DNHD1: variants seen among roughly 807,000 people sequenced by gnomAD.
The protein encoded by DNHD1 is dynein heavy chain domain-containing protein 1.
In DNHD1, 383 loss-of-function variants were observed where a neutral mutation model predicts 458.1. The observed-to-expected ratio is 0.84, with a 90% CI of 0.77 to 0.91. DNHD1 has a LOEUF of 0.91. DNHD1 is among the 40% of genes least tolerant of loss of function. DNHD1 has a pLI of 0.00. For missense variants in DNHD1, 5,336 were observed against 5,866.1 expected, an observed-to-expected ratio of 0.91 and a Z score of 2.95; for synonymous variants, 2,203 against 2,376.9, an observed-to-expected ratio of 0.93 and a Z score of 2.13.
At position 6,568,914 on chromosome 11, in the gene DNHD1, T is replaced by C. The variant is rs1421082856; in HGVS notation, c.12863+48T>C. On this transcript the variant is annotated intron_variant, in intron 39 of 42. Transcript: ENST00000254579. ...TGCTCAGTCAATCACTCAACAAACA[T>C]TGAGTATCTTCCATATGCTGGGATG... 2.6e-6 allele frequency: 4 copies of C among 1,544,300 alleles called. No individual in the cohort carries two copies. In the African/African-American group the frequency reaches 4.1e-5, roughly 16 times the overall value.
Position 6,539,264 on chromosome 11 carries a change from G to T in DNHD1, c.3371G>T (p.Gly1124Val). 2 of 1,551,626 alleles carry T rather than the reference G, an allele frequency of 1.3e-6. No individual in the cohort carries two copies. The highest frequency in any genetic ancestry group is 8.7e-7 in the Non-Finnish European group (1 of 1,146,976). ...CAAACTATAGAACTCCTAACGCTGGGCCAGCTGCTTACTTATCCACTGCTG... is the reference window on the plus strand; with the variant it reads ...CAAACTATAGAACTCCTAACGCTGGTCCAGCTGCTTACTTATCCACTGCTG... ...SLQTIELLTLGQLLTYPLLEF... is the reference protein window; with the variant it reads ...SLQTIELLTLVQLLTYPLLEF... Residue 1124 changes from glycine (G) to valine (V), a missense_variant, in exon 17 of 43, where the codon GGC becomes GTC. Around this residue, in one of 4 missense-constraint regions of DNHD1, gnomAD observed 3,932 missense variants for 4,365.6 expected, o/e 0.90. Coordinates refer to ENST00000254579, the MANE Select transcript of DNHD1 (RefSeq NM_144666.3).
intron 3 of DNHD1, among the ~76,000 whole-genome samples, chr11:6,501,898 T>C (rs939605433): frequency 6.6e-6 from 1 of 152,248 alleles, no homozygotes; most frequent in Non-Finnish European, 1.5e-5. Flanking sequence ...AGGACATATG[T>C]ATAAAGGTTA....
In DNHD1 at chr11:6,498,497, T is replaced by G; in HGVS notation, c.282T>G (p.Tyr94Ter). The G allele has an allele frequency of 6.2e-7, 1 of 1,614,172 alleles. No homozygotes were observed. The highest frequency in any genetic ancestry group is 2.2e-5 in the East Asian group (1 of 44,876). The change falls in exon 3 of 43, where the codon TAT (tyrosine) becomes TAG (stop). Residue 94 changes from tyrosine to a stop codon, truncating the protein, a stop_gained. Coordinates refer to ENST00000254579, the MANE Select transcript of DNHD1 (RefSeq NM_144666.3). LOFTEE classifies it high-confidence loss of function. Reference protein sequence around the residue: ...LHAVLGLLPPYRELLVGHLDL... With the variant: ...LHAVLGLLPP The stretch of plus-strand genomic sequence containing the variant: ...CAGTACTGGGTCTACTGCCTCCATA[T>G]CGTGAGTTGCTAGTTGGCCACCTTG...
At chr11:6,530,083 A>G (rs1270392758) in intron 12 of DNHD1, among the ~76,000 whole-genome samples, 1 of 152,190 alleles carries the variant, frequency 6.6e-6, no homozygotes, top group Non-Finnish European at 1.5e-5. Context: ...TAAGCATTAT[A>G]TCCGCCCCTC....
rs1852343794 is a variant in DNHD1 at position 6,512,075 on chromosome 11, ACCT to A, written c.1392+647_1392+649del. 2.0e-5 allele frequency among the ~76,000 whole-genome samples: 3 copies of A among 152,214 alleles called. No homozygotes were observed. The South Asian group carries it at 6.2e-4, about 32-fold the overall frequency. On this transcript the variant is annotated intron_variant, in intron 7 of 42. Transcript: ENST00000254579. ...TAACTAATTAATGTGAAGGAGGCAT[ACCT>A]TGCCTGGCTTGAGCCAGGTTTTGGG...
At position 6,567,201 on chromosome 11, in the gene DNHD1, A is replaced by C; in HGVS notation, c.11692A>C (p.Asn3898His). Residue 3898 changes from asparagine (N) to histidine (H), a missense_variant, in exon 36 of 43, where the codon AAT becomes CAT. By Grantham distance (68) the Asn-to-His change is moderately conservative (BLOSUM62 1). Coordinates refer to ENST00000254579, the MANE Select transcript of DNHD1 (RefSeq NM_144666.3). ...ALDSMKPREINHGEDLASHLL... is the reference protein window; with the variant it reads ...ALDSMKPREIHHGEDLASHLL... ...GGACAGCATGAAGCCACGTGAGATT[A>C]ATCACGGGGAGGACCTGGCCAGCCA... The C allele has an allele frequency of 1.2e-6, 2 of 1,614,034 alleles. No individual in the cohort carries two copies. Among genetic ancestry groups the C allele is most frequent in the Non-Finnish European group, 1.7e-6 (2 of 1,179,906 alleles).
Position 6,508,928 on chromosome 11 carries a change from C to G in DNHD1, c.969C>G (p.His323Gln). 1 of 1,614,202 alleles carries G rather than the reference C, an allele frequency of 6.2e-7. No individual in the cohort carries two copies. Among genetic ancestry groups the G allele is most frequent in the Non-Finnish European group, 8.5e-7 (1 of 1,180,036 alleles). The part of the protein sequence containing the change: ...VVPPDKVNPE[H>Q]YIFSPFGILH... Reference sequence around the variant, plus strand: ...CACCCGACAAGGTGAATCCCGAGCACTACATCTTCTCTCCCTTTGGGATCT... The same window carrying G: ...CACCCGACAAGGTGAATCCCGAGCAGTACATCTTCTCTCCCTTTGGGATCT... Residue 323 changes from histidine (H) to glutamine (Q), a missense_variant, in exon 5 of 43, where the codon CAC becomes CAG. His to Gln is a conservative substitution (Grantham distance 24). Coordinates refer to ENST00000254579, the MANE Select transcript of DNHD1 (RefSeq NM_144666.3).
Position 6,538,687 on chromosome 11 carries a change from C to T in DNHD1, c.3202C>T (p.Leu1068=). 1 of 1,549,840 alleles carries T rather than the reference C, an allele frequency of 6.5e-7. No individual in the cohort carries two copies. The highest frequency in any genetic ancestry group is 8.7e-7 in the Non-Finnish European group (1 of 1,145,736). ...EAARMSTTLE[L]HSPVLQHCMR... is the part of the protein sequence containing the mutation. Reference sequence around the variant, plus strand: ...AGCACGGATGAGCACAACCCTGGAGCTGCACAGCCCCGTGCTGCAGCACTG... The same window carrying T: ...AGCACGGATGAGCACAACCCTGGAGTTGCACAGCCCCGTGCTGCAGCACTG... Residue 1068 remains leucine, a synonymous_variant, in exon 16 of 43, where the codon CTG becomes TTG. Transcript: ENST00000254579.
In DNHD1 at chr11:6,547,459, A is replaced by C. The variant is rs1240388119; in HGVS notation, c.6520A>C (p.Thr2174Pro). The C allele has an allele frequency of 6.4e-7, 1 of 1,551,336 alleles. No individual in the cohort carries two copies. The highest frequency in any genetic ancestry group is 1.7e-4 in the Middle Eastern group (1 of 5,990). The stretch of plus-strand genomic sequence containing the variant: ...TTATGAGTACCGCCTGCAGCACCGG[A>C]CAGTCGCTGAGCTCAACCACATGGC... ...LPYEYRLQHR[T>P]VAELNHMAEV... Residue 2174 changes from threonine to proline, a missense_variant, in exon 21 of 43, where the codon ACA (threonine) becomes CCA (proline). Coordinates refer to ENST00000254579, the MANE Select transcript of DNHD1 (RefSeq NM_144666.3).
chr11:6,554,115 G>A (rs896891079), intron 24 of DNHD1, among the ~76,000 whole-genome samples: 1 of 152,166 alleles, frequency 6.6e-6, no homozygotes, highest in Non-Finnish European at 1.5e-5. Context: ...TGAAGAGAGT[G>A]TGGTATTGGT....
intron 10 of DNHD1, 76 bp from the exon 11 acceptor site, chr11:6,528,446 G>A (rs1307430108): frequency 8.4e-6 from 12 of 1,420,376 alleles, no homozygotes; most frequent in Non-Finnish European, 1.1e-5. Context: ...TACACACACT[G>A]AGGGCAAGGA....
intron 10 of DNHD1, among the ~76,000 whole-genome samples, chr11:6,521,591 T>A (rs926018744): frequency 6.6e-6 from 1 of 152,218 alleles, no homozygotes; most frequent in African/African-American, 2.4e-5. Flanking sequence ...TGACAAAATG[T>A]TAATAATTGT....
rs377748614 is a variant in DNHD1, at chr11:6,548,068, T to C, written c.6905+28T>C. 2.6e-5 allele frequency: 41 copies of C among 1,551,566 alleles called. No individual in the cohort carries two copies. In the African/African-American group the frequency reaches 4.6e-4, roughly 18 times the overall value. ...ACCTACCAGGATGGGGGATGGGAGA[T>C]GCAGAGGGCTGAGATGGACTGGCCC... On this transcript the variant is annotated intron_variant, in intron 22 of 42. Coordinates refer to ENST00000254579, the MANE Select transcript of DNHD1 (RefSeq NM_144666.3). This position sits in a 1 kb window ranked among gnomAD's most constrained non-coding sequence, Gnocchi z 4.4.
At position 6,567,137 on chromosome 11, in the gene DNHD1, G is replaced by C; in HGVS notation, c.11628G>C (p.Met3876Ile). The C allele has an allele frequency of 6.2e-7, 1 of 1,614,050 alleles. No individual in the cohort carries two copies. Among genetic ancestry groups the C allele is most frequent in the Non-Finnish European group, 8.5e-7 (1 of 1,179,894 alleles). Reference sequence around the variant, plus strand: ...AGAACCTGCTGCCACTTTTCTGTATGAGCCCAGAGAACTGGCTGGCAGTCA... The same window carrying C: ...AGAACCTGCTGCCACTTTTCTGTATCAGCCCAGAGAACTGGCTGGCAGTCA... The part of the protein sequence containing the change: ...QLQNLLPLFC[M>I]SPENWLAVTK... Residue 3876 changes from methionine to isoleucine, a missense_variant, in exon 36 of 43, where the codon ATG (methionine) becomes ATC (isoleucine). Physicochemically the swap from Met to Ile is conservative, Grantham distance 10. Transcript: ENST00000254579.
At chr11:6,532,995 C>T (rs1165897042) in intron 12 of DNHD1, 32 bp from the exon 13 acceptor site, 5 of 1,544,462 alleles carry the variant, frequency 3.2e-6, no homozygotes, top group Admixed American at 4.0e-5. Flanking sequence ...CTTTTTTATG[C>T]GTCCCCTCAC....
intron 4 of DNHD1, chr11:6,503,635 C>T (rs11040901): frequency 0.27 from 41,326 of 152,098 alleles, 6,193 homozygotes; most frequent in Non-Finnish European, 0.34. Flanking sequence ...AGGCATGAAT[C>T]ACCACACTCG....
Position 6,570,606 on chromosome 11 carries a change from T to C in DNHD1, c.13106-12T>C, listed in dbSNP as rs900354907. ...TCCATCTTGTCCCTCACCCCTCACC[T>C]CTATCCCCAAGAGCTAAGGGAGCTG... On this transcript the variant is annotated splice_polypyrimidine_tract_variant and intron_variant, in intron 41 of 42. Transcript: ENST00000254579. The C allele has an allele frequency of 6.3e-7, 1 of 1,590,324 alleles. No individual in the cohort carries two copies. The highest frequency in any genetic ancestry group is 2.3e-5 in the East Asian group (1 of 44,248).
At chr11:6,521,956 A>G (rs1589873303) in intron 10 of DNHD1, among the ~76,000 whole-genome samples, 1 of 152,192 alleles carries the variant, frequency 6.6e-6, no homozygotes, top group East Asian at 1.9e-4. Context: ...TCATCAAGCA[A>G]TCCTCCTATC....
At chr11:6,504,140 A>G (rs1852187248) in intron 4 of DNHD1, 1 of 152,248 alleles carries the variant, frequency 6.6e-6, no homozygotes, top group East Asian at 1.9e-4. Context: ...AGGTAGCACT[A>G]ATGATCAATA....
Sources: allele counts gnomAD v4.1 joint callset (sites outside exome capture counted in the v4.1 genomes callset), GRCh38; gene constraint gnomAD v4.1.1; regional missense constraint gnomAD v4.1.1; non-coding constraint Gnocchi (gnomAD v3.1); transcripts MANE v1.5; gene names NCBI Gene and HGNC (gene_info 2026-07-23, HGNC 2026-07-21).